CUBN: variants seen among roughly 807,000 people sequenced by gnomAD.
The protein encoded by CUBN is 460 kDa receptor.
Under a neutral mutation model 405.3 loss-of-function variants are expected in CUBN, and 282 were observed. The ratio of observed to expected loss-of-function variants is 0.70; its 90% CI spans 0.63 to 0.77. CUBN has a LOEUF of 0.77. CUBN is among the 30% of genes least tolerant of loss of function. CUBN has a pLI of 0.00. For synonymous variants in CUBN, 1,684 were observed against 1,617.0 expected, an observed-to-expected ratio of 1.04 and a Z score of -0.99; for missense variants, 4,514 against 4,475.2, an observed-to-expected ratio of 1.01 and a Z score of -0.25.
intron 1 of CUBN, 51 bp downstream of exon 1, chr10:17,129,593 G>A (rs769058378): frequency 1.9e-6 from 3 of 1,612,282 alleles, no homozygotes; most frequent in Non-Finnish European, 1.7e-6. Flanking sequence ...GGGAAAACTG[G>A]TGAGGAATTA....
intron 4 of CUBN, among the ~76,000 whole-genome samples, 163 bp from the exon 5 acceptor site, chr10:17,123,852 A>C (rs1041477522): frequency 1.3e-5 from 2 of 152,176 alleles, no homozygotes; most frequent in East Asian, 3.8e-4. Context: ...CTCTCTTGTG[A>C]AAAAACAGAA....
intron 59 of CUBN, among the ~76,000 whole-genome samples, chr10:16,854,857 C>G (rs111863585): frequency 3.9e-5 from 6 of 152,210 alleles, no homozygotes; most frequent in African/African-American, 1.4e-4. Flanking sequence ...CCTTAAATCA[C>G]TGATGTGTTT....
chr10:16,992,612 C>G (rs1833626341), intron 28 of CUBN, among the ~76,000 whole-genome samples: 1 of 152,158 alleles, frequency 6.6e-6, no homozygotes, highest in South Asian at 2.1e-4. Flanking sequence ...GAATTCCCCA[C>G]TGCACTGAGA....
intron 54 of CUBN, 151 bp from the exon 55 acceptor site, chr10:16,890,678 A>T (rs1840979518): frequency 6.0e-6 from 5 of 833,564 alleles, no homozygotes; most frequent in Non-Finnish European, 9.9e-6. Context: ...TTTTCTTTTG[A>T]GAATAATTTT....
At chr10:16,926,465 G>T (rs1588656882) in intron 41 of CUBN, among the ~76,000 whole-genome samples, 1 of 152,238 alleles carries the variant, frequency 6.6e-6, no homozygotes, top group Non-Finnish European at 1.5e-5. Flanking sequence ...TCCTTAGACT[G>T]TAAGGGGTGG....
At chr10:17,065,684 A>C in intron 21 of CUBN, 46 bp from the exon 22 acceptor site, 1 of 1,610,262 alleles carries the variant, frequency 6.2e-7, no homozygotes, top group Non-Finnish European at 8.5e-7. Flanking sequence ...TTAGTTTGGT[A>C]TACTGAAAAT....
At chr10:16,980,337 C>T (rs1381469123) in intron 31 of CUBN, among the ~76,000 whole-genome samples, 6 of 152,192 alleles carry the variant, frequency 3.9e-5, no homozygotes, top group Non-Finnish European at 8.8e-5. Context: ...AATCCCATTA[C>T]TGGGTATATA....
chr10:17,125,773 A>T (rs540898421), intron 4 of CUBN, among the ~76,000 whole-genome samples: 3 of 152,324 alleles, frequency 2.0e-5, no homozygotes, highest in African/African-American at 7.2e-5. Flanking sequence ...TGGCTGAGCG[A>T]ATATAATGAA....
At chr10:16,973,398 T>C (rs1410231224) in intron 31 of CUBN, among the ~76,000 whole-genome samples, 2 of 152,324 alleles carry the variant, frequency 1.3e-5, no homozygotes, top group Admixed American at 6.5e-5. Flanking sequence ...CTAGGTGCTA[T>C]ACTACGAGGA....
In CUBN at chr10:16,906,359, CAGG is replaced by C; in HGVS notation, c.7753_7755del (p.Pro2585del). 1.2e-6 allele frequency: 2 copies of C among 1,614,038 alleles called. No individual in the cohort carries two copies. The highest frequency in any genetic ancestry group is 1.1e-5 in the South Asian group (1 of 91,080). ...GAGTAATTCCTGACTCCGTCATAGCCAGGAGAAGTAAAGTTTCCTTCAGGAGTA... is the reference window on the plus strand; with the variant it reads ...GAGTAATTCCTGACTCCGTCATAGCCAGAAGTAAAGTTTCCTTCAGGAGTA... On this transcript the variant is annotated inframe_deletion, in exon 50 of 67. Coordinates refer to ENST00000377833, the MANE Select transcript of CUBN (RefSeq NM_001081.4).
chr10:17,103,737 A>G (rs567041231), intron 12 of CUBN, among the ~76,000 whole-genome samples: 1 of 152,236 alleles, frequency 6.6e-6, no homozygotes, highest in Non-Finnish European at 1.5e-5. Flanking sequence ...GAGGGGCAGA[A>G]GAGTCAAAAG....
At chr10:16,931,180 C>T in intron 40 of CUBN, among the ~76,000 whole-genome samples, 1 of 151,442 alleles carries the variant, frequency 6.6e-6, no homozygotes, top group Admixed American at 6.6e-5. Context: ...AGGAGAATGG[C>T]ATGAACCCGG....
At chr10:17,118,962 G>A (rs1836968923) in intron 6 of CUBN, among the ~76,000 whole-genome samples, 1 of 152,160 alleles carries the variant, frequency 6.6e-6, no homozygotes, top group South Asian at 2.1e-4. Flanking sequence ...CTTGGTTCCA[G>A]CAGAACAAAT....
chr10:16,931,485 G>C (rs1842364264), intron 40 of CUBN, among the ~76,000 whole-genome samples: 1 of 152,210 alleles, frequency 6.6e-6, no homozygotes, highest in Admixed American at 6.5e-5. Context: ...TAAAACATTT[G>C]TGTTGTTTTG....
chr10:17,047,448 T>C lies in CUBN; in HGVS notation c.3295A>G (p.Ile1099Val), dbSNP rs759503134. 3 of 1,613,872 alleles carry C rather than the reference T, an allele frequency of 1.9e-6. No individual in the cohort carries two copies. The highest frequency in any genetic ancestry group is 1.1e-5 in the South Asian group (1 of 91,082). The change falls in exon 23 of 67, where the codon ATT (isoleucine) becomes GTT (valine). Residue 1099 changes from isoleucine to valine, a missense_variant. Ile to Val is a conservative substitution (Grantham distance 29). Around this residue, in one of 5 missense-constraint regions of CUBN, gnomAD observed 1,448 missense variants for 1,388.0 expected, o/e 1.04. Transcript: ENST00000377833. Reference sequence around the variant, plus strand: ...AGAAAATCTGTATAATAGTTTCCAATGGCTTCCTCCAAGGAGAAGTTTGTG... The same window carrying C: ...AGAAAATCTGTATAATAGTTTCCAACGGCTTCCTCCAAGGAGAAGTTTGTG... ...HFTNFSLEEA[I>V]GNYYTDFLEI...
At chr10:16,885,091 A>G (rs1005220104) in intron 56 of CUBN, among the ~76,000 whole-genome samples, 3 of 152,228 alleles carry the variant, frequency 2.0e-5, no homozygotes, top group Non-Finnish European at 2.9e-5. Flanking sequence ...GGGCTGGGGA[A>G]AGGTTACTTT....
In CUBN at chr10:16,836,303, G is replaced by A. The variant is rs1268796009; in HGVS notation, c.10112C>T (p.Ala3371Val). The A allele has an allele frequency of 1.2e-6, 2 of 1,613,272 alleles. No individual in the cohort carries two copies. The highest frequency in any genetic ancestry group is 1.7e-4 in the Middle Eastern group (1 of 6,058). The change falls in exon 63 of 67, where the codon GCA (alanine) becomes GTA (valine). Residue 3371 changes from alanine (A) to valine (V), a missense_variant. Physicochemically the swap from Ala to Val is moderately conservative, Grantham distance 64. This residue lies in a region of CUBN where 1,186 missense variants were observed against 1,186.9 expected (regional missense o/e 1.00). Coordinates refer to ENST00000377833, the MANE Select transcript of CUBN (RefSeq NM_001081.4). Reference sequence around the variant, plus strand: ...AACTCCAGATTTGAAAATGACCATTGCAGTACTCATAGAAGAATAAAACAC... The same window carrying A: ...AACTCCAGATTTGAAAATGACCATTACAGTACTCATAGAAGAATAAAACAC... ...VPVFYSSMST[A>V]MVIFKSGVVN...
intron 54 of CUBN, among the ~76,000 whole-genome samples, chr10:16,896,110 G>C (rs1278125897): frequency 6.6e-6 from 1 of 152,086 alleles, no homozygotes; most frequent in African/African-American, 2.4e-5. Context: ...GTGGAAATGT[G>C]ATTTCCATTT....
intron 28 of CUBN, among the ~76,000 whole-genome samples, chr10:17,007,012 TCTCGCTCACAAAG>T (rs1465561870): frequency 3.9e-5 from 6 of 152,156 alleles, no homozygotes; most frequent in African/African-American, 1.4e-4. Flanking sequence ...AATGTCACTC[TCTCGCTCACAAAG>T]CTCCTTGACC....
Sources: gnomAD v4.1 joint callset for allele counts (sites outside exome capture counted in the v4.1 genomes callset) on GRCh38, gnomAD v4.1.1 for gene constraint, gnomAD v4.1.1 regional missense constraint, MANE v1.5 for transcripts, NCBI Gene and HGNC (gene_info 2026-07-23, HGNC 2026-07-21) for gene names.